RACGAP1: variants seen among roughly 807,000 people sequenced by gnomAD.
RACGAP1 encodes rac GTPase-activating protein 1.
RACGAP1 carries 30 observed loss-of-function variants against 78.1 expected under a neutral mutation model. The observed-to-expected ratio is 0.38, with a 90% confidence interval of 0.29 to 0.52. RACGAP1 has a LOEUF of 0.52. RACGAP1 is among the 20% of genes least tolerant of loss of function. The pLI, the probability that RACGAP1 is intolerant of heterozygous loss-of-function variation, is 0.82. For missense variants in RACGAP1, 587 were observed against 777.1 expected, an observed-to-expected ratio of 0.76 and a Z score of 2.91; for synonymous variants, 231 against 264.8, an observed-to-expected ratio of 0.87 and a Z score of 1.24.
intron 2 of RACGAP1, among the ~76,000 whole-genome samples, chr12:50,011,679 G>A (rs1178939384): frequency 6.6e-6 from 1 of 152,058 alleles, no homozygotes; most frequent in Non-Finnish European, 1.5e-5. Context: ...GTGTGGGCCG[G>A]GCATGGTGGC....
chr12:49,990,477 T>C (rs73119644), intron 16 of RACGAP1, 134 bp from the exon 17 acceptor site: 21,387 of 871,124 alleles, frequency 0.025, 512 homozygotes, highest in South Asian at 0.094. Context: ...TGCTTAAGTA[T>C]TCTTAGTCAC....
chr12:50,004,319 C>G lies in RACGAP1; in HGVS notation c.426-15G>C. On this transcript the variant is annotated splice_polypyrimidine_tract_variant and intron_variant, in intron 4 of 16. Coordinates refer to ENST00000312377, the MANE Select transcript of RACGAP1 (RefSeq NM_001319999.2). ...TGGTTGATAGTCTAGATCAGTGAAA[C>G]AATACAACGTTAGACATGGTAGACT... The G allele has an allele frequency of 6.3e-7, 1 of 1,581,400 alleles. No individual in the cohort carries two copies. The highest frequency in any genetic ancestry group is 1.3e-5 in the African/African-American group (1 of 74,674).
At chr12:50,013,216 T>C (rs1226218641) in intron 2 of RACGAP1, among the ~76,000 whole-genome samples, 1 of 152,186 alleles carries the variant, frequency 6.6e-6, no homozygotes, top group Admixed American at 6.5e-5. Flanking sequence ...AAAATAAATA[T>C]CTTGGGAGAT....
intron 2 of RACGAP1, among the ~76,000 whole-genome samples, chr12:50,011,344 A>G (rs967783421): frequency 1.3e-4 from 19 of 151,736 alleles, no homozygotes; most frequent in African/African-American, 3.6e-4. Context: ...AAAAAAAAAA[A>G]AAAAAAGAAA....
At chr12:50,029,255 G>A (rs1297479197), upstream of RACGAP1, among the ~76,000 whole-genome samples, 3 of 149,284 alleles carry the variant, frequency 2.0e-5, no homozygotes, top group African/African-American at 7.5e-5. Context: ...ATGGTGGTCT[G>A]CACGCCTATA....
At chr12:50,022,690 A>G (rs1205481134) in intron 1 of RACGAP1, among the ~76,000 whole-genome samples, 2 of 152,112 alleles carry the variant, frequency 1.3e-5, no homozygotes, top group Non-Finnish European at 2.9e-5. Context: ...CCCATTTTAC[A>G]CTCTTATTTC....
intron 10 of RACGAP1, 35 bp downstream of exon 10, chr12:49,997,005 G>A: frequency 6.9e-7 from 1 of 1,439,200 alleles, no homozygotes; most frequent in Non-Finnish European, 9.2e-7. Context: ...CGAATAAAGA[G>A]GCCATAAAAC....
intron 15 of RACGAP1, among the ~76,000 whole-genome samples, chr12:49,991,264 A>T (rs2137211434): frequency 6.6e-6 from 1 of 151,892 alleles, no homozygotes; most frequent in South Asian, 2.1e-4. Flanking sequence ...CATTTAATTC[A>T]GTGATCCCAC....
chr12:50,005,498 C>A, intron 3 of RACGAP1, 106 bp from the exon 4 acceptor site: 1 of 1,304,508 alleles, frequency 7.7e-7, no homozygotes, highest in Non-Finnish European at 1.1e-6. Context: ...CAGCATTATG[C>A]AAATGGACCT....
intron 2 of RACGAP1, among the ~76,000 whole-genome samples, chr12:50,030,705 A>T (rs1205189623): frequency 6.6e-6 from 1 of 152,122 alleles, no homozygotes; most frequent in African/African-American, 2.4e-5. Flanking sequence ...AAAACAAAAC[A>T]AAAACCATAA....
chr12:50,009,564 G>A (rs1374790927), intron 2 of RACGAP1, among the ~76,000 whole-genome samples: 1 of 151,854 alleles, frequency 6.6e-6, no homozygotes, highest in East Asian at 1.9e-4. Context: ...AAGACCCTAT[G>A]TCTCCTTTGC....
intron 1 of RACGAP1, among the ~76,000 whole-genome samples, chr12:50,019,433 TAA>T (rs753443891): frequency 6.6e-6 from 1 of 152,168 alleles, no homozygotes; most frequent in Non-Finnish European, 1.5e-5. Flanking sequence ...AAAAAATTGA[TAA>T]GTGTTAATTC....
At chr12:50,008,315 CA>C (rs1949099340) in intron 2 of RACGAP1, among the ~76,000 whole-genome samples, 1 of 151,600 alleles carries the variant, frequency 6.6e-6, no homozygotes, top group Admixed American at 6.6e-5. Flanking sequence ...TCTCCTGCCT[CA>C]GCCTCCTGAG....
intron 10 of RACGAP1, among the ~76,000 whole-genome samples, chr12:49,996,116 A>C (rs1383179577): frequency 6.6e-6 from 1 of 152,114 alleles, no homozygotes; most frequent in Admixed American, 6.6e-5. Flanking sequence ...GTTCAAGACC[A>C]GCCTGGCCAA....
intron 9 of RACGAP1, among the ~76,000 whole-genome samples, chr12:49,997,889 A>G (rs1367454982): frequency 6.6e-6 from 1 of 152,092 alleles, no homozygotes; most frequent in Non-Finnish European, 1.5e-5. Context: ...TAATCAACTA[A>G]CATTTATTGA....
chr12:50,000,205 G>A lies in RACGAP1; in HGVS notation c.631-472C>T, dbSNP rs141337199. Among the ~76,000 whole-genome samples, 1,021 of 151,896 alleles carry A rather than the reference G, an allele frequency of 6.7e-3. 35 individuals carry two copies. Among genetic ancestry groups the A allele is most frequent in the Admixed American group, 0.058 (885 of 15,244 alleles). On this transcript the variant is annotated intron_variant, in intron 7 of 16. Transcript: ENST00000312377. The stretch of plus-strand genomic sequence containing the variant: ...ATTTTTTGTATTTTTAGTAGAGATG[G>A]GGTTTCACTGTGTTAGCCAGGATGG...
chr12:50,012,063 C>T lies in RACGAP1; in HGVS notation c.85+4568G>A, dbSNP rs189676633. On this transcript the variant is annotated intron_variant, in intron 2 of 16. Transcript: ENST00000312377. ...GGATTGCTTGAGCCCAGGAGTTCAA[C>T]GCTGCAGTAAGCTATGATTTCACCA... Among the ~76,000 whole-genome samples the T allele has an allele frequency of 8.3e-4, 125 of 150,902 alleles. 1 individual carries two copies. The highest frequency in any genetic ancestry group is 5.6e-3 in the Admixed American group (85 of 15,106).
chr12:50,014,317 T>C (rs1014937735), intron 2 of RACGAP1, among the ~76,000 whole-genome samples: 3 of 152,122 alleles, frequency 2.0e-5, no homozygotes, highest in Non-Finnish European at 2.9e-5. Flanking sequence ...AGTACCATCA[T>C]CCCCATTATT....
chr12:50,016,343 CT>C (rs1477550452), intron 2 of RACGAP1, among the ~76,000 whole-genome samples: 5 of 151,960 alleles, frequency 3.3e-5, no homozygotes, highest in Non-Finnish European at 5.9e-5. Flanking sequence ...GATGTCGCCA[CT>C]GCACTCCAGC....
Sources: gnomAD v4.1 joint callset for allele counts (sites outside exome capture counted in the v4.1 genomes callset) on GRCh38, gnomAD v4.1.1 for gene constraint, MANE v1.5 for transcripts, NCBI Gene and HGNC (gene_info 2026-07-23, HGNC 2026-07-21) for gene names.